The following TG variants were observed in gnomAD, a reference collection of about 807,000 sequenced individuals.
TG encodes the protein thyroid hormones.
TG carries 270 observed loss-of-function variants against 324.7 expected under a neutral mutation model. That is an observed-to-expected ratio of 0.83 (90% CI 0.75 to 0.92). The LOEUF (loss-of-function observed/expected upper bound fraction) is 0.92. Ranked by LOEUF, TG falls within the 40% of genes least tolerant of loss-of-function variation. The pLI, the probability that TG is intolerant of heterozygous loss-of-function variation, is 0.00. For missense variants in TG, 3,591 were observed against 3,456.4 expected (o/e 1.04, Z -0.98); for synonymous variants, 1,401 against 1,327.0 (o/e 1.06, Z -1.21).
intron 21 of TG, among the ~76,000 whole-genome samples, chr8:132,921,638 C>T (rs1026664735): frequency 1.3e-5 from 2 of 152,310 alleles, no homozygotes; most frequent in South Asian, 4.2e-4. Context: ...ATCCCAACTC[C>T]TCTATATAGT....
chr8:132,881,941 C>T lies in TG; in HGVS notation c.717C>T (p.Asp239=). Residue 239 remains aspartate (D), a synonymous_variant, in exon 6 of 48, where the codon GAC becomes GAT. Coordinates refer to ENST00000220616, the MANE Select transcript of TG (RefSeq NM_003235.5). ...PEVSGYCHCA[D]SQGRELAETG... ...TATCTGGGTATTGCCACTGTGCTGA[C>T]AGCCAAGGGCGGGAACTGGCTGAGA... The T allele has an allele frequency of 6.2e-7, 1 of 1,613,988 alleles. No individual in the cohort carries two copies. The highest frequency in any genetic ancestry group is 8.5e-7 in the Non-Finnish European group (1 of 1,179,832).
intron 34 of TG, among the ~76,000 whole-genome samples, chr8:132,976,485 G>A (rs1413794645): frequency 6.6e-6 from 1 of 152,220 alleles, no homozygotes; most frequent in African/African-American, 2.4e-5. Context: ...AACCATAGAG[G>A]AGGTGTGGAA....
chr8:133,016,855 G>A (rs907897451), intron 37 of TG, among the ~76,000 whole-genome samples: 2 of 152,226 alleles, frequency 1.3e-5, no homozygotes, highest in Non-Finnish European at 2.9e-5. Flanking sequence ...TGTCGTCGAG[G>A]AAACAAGATA....
chr8:133,008,586 G>A (rs1834224612), intron 35 of TG, among the ~76,000 whole-genome samples: 1 of 152,210 alleles, frequency 6.6e-6, no homozygotes, highest in African/African-American at 2.4e-5. Context: ...GGGTGAGCTT[G>A]GAAGCTGCTA....
intron 41 of TG, among the ~76,000 whole-genome samples, chr8:133,068,936 AGGCCAG>A (rs953357106): frequency 1.3e-5 from 2 of 152,276 alleles, no homozygotes; most frequent in African/African-American, 4.8e-5. Flanking sequence ...GGTTTGGCCT[AGGCCAG>A]GTCCTGGATA....
At chr8:133,049,861 C>T (rs186533934) in intron 41 of TG, 105 of 1,231,302 alleles carry the variant, frequency 8.5e-5, no homozygotes, top group African/African-American at 4.6e-4. Flanking sequence ...CACCAGCATA[C>T]GCATCATGCT....
rs117858390 is a variant in TG, at chr8:132,982,650, T to G, written c.6200-700T>G. On this transcript the variant is annotated intron_variant, in intron 34 of 47. Coordinates refer to ENST00000220616, the MANE Select transcript of TG (RefSeq NM_003235.5). ...GCTGCTTGCTATTAGCAGCTGGCAT[T>G]TGCTGAGCTGGTATCTTATGCCTGG... Among the ~76,000 whole-genome samples the G allele has an allele frequency of 3.3e-4, 50 of 152,274 alleles. No individual in the cohort carries two copies. The East Asian group carries it at 9.1e-3, about 28-fold the overall frequency.
chr8:133,055,215 G>A (rs1227474049), intron 41 of TG, among the ~76,000 whole-genome samples: 1 of 152,086 alleles, frequency 6.6e-6, no homozygotes, highest in Non-Finnish European at 1.5e-5. Flanking sequence ...AAGCAGCTCA[G>A]GGCAACTGGT....
intron 34 of TG, among the ~76,000 whole-genome samples, chr8:132,976,123 C>T (rs994457343): frequency 2.0e-5 from 3 of 152,148 alleles, no homozygotes; most frequent in Non-Finnish European, 2.9e-5. Flanking sequence ...TAAAGTGTCA[C>T]GGAAACATGG....
chr8:132,968,773 A>C (rs1174651974), intron 31 of TG, among the ~76,000 whole-genome samples: 1 of 152,168 alleles, frequency 6.6e-6, no homozygotes, highest in Non-Finnish European at 1.5e-5. Context: ...GAGTTTCTCA[A>C]CACCTGGCCT....
chr8:132,946,398 C>T (rs1013393368), intron 26 of TG, among the ~76,000 whole-genome samples: 2 of 152,168 alleles, frequency 1.3e-5, no homozygotes, highest in African/African-American at 4.8e-5. Context: ...ACTCACCTCG[C>T]AGTGCTGAAA....
At chr8:132,992,427 G>A (rs1485251951) in intron 35 of TG, among the ~76,000 whole-genome samples, 2 of 152,172 alleles carry the variant, frequency 1.3e-5, no homozygotes, top group Non-Finnish European at 2.9e-5. Flanking sequence ...ATAGTATTAG[G>A]TGCAAAAGTT....
At position 133,111,760 on chromosome 8, in the gene TG, C is replaced by T. The variant is rs558051301; in HGVS notation, c.7573-1662C>T. Reference sequence around the variant, plus strand: ...GATCATGGTCAAAATATTTAAAAGTCGCTGATATGATGAATATTCACAGAT... The same window carrying T: ...GATCATGGTCAAAATATTTAAAAGTTGCTGATATGATGAATATTCACAGAT... On this transcript the variant is annotated intron_variant, in intron 43 of 47. Transcript: ENST00000220616. 4.3e-4 allele frequency among the ~76,000 whole-genome samples: 66 copies of T among 152,302 alleles called. 1 individual carries two copies. The Middle Eastern group carries it at 0.014, about 31-fold the overall frequency.
Position 132,962,886 on chromosome 8 carries a change from C to A in TG, c.5468-108C>A, listed in dbSNP as rs886468709. ...TCTGTTGCAGATCTTCTCTAAGTCACCTGGCTTTAGGGCCTGATTTTTCTC... is the reference window on the plus strand; with the variant it reads ...TCTGTTGCAGATCTTCTCTAAGTCAACTGGCTTTAGGGCCTGATTTTTCTC... On this transcript the variant is annotated intron_variant, in intron 28 of 47. Transcript: ENST00000220616. 22 of 991,928 alleles carry A rather than the reference C, an allele frequency of 2.2e-5. No individual in the cohort carries two copies. The African/African-American group carries it at 2.5e-4, about 11-fold the overall frequency. The allele number at this position is 991,928 out of a possible 1,614,324, so 61.4% of individuals were successfully genotyped here.
intron 43 of TG, among the ~76,000 whole-genome samples, chr8:133,110,830 AG>A (rs1349429047): frequency 4.6e-5 from 7 of 152,226 alleles, no homozygotes; most frequent in Non-Finnish European, 8.8e-5. Flanking sequence ...TGCCAGCTCC[AG>A]GCCATTGCAC....
intron 41 of TG, among the ~76,000 whole-genome samples, chr8:133,052,876 G>A (rs556478701): frequency 4.6e-5 from 7 of 152,302 alleles, no homozygotes; most frequent in African/African-American, 9.6e-5. Context: ...TGAGTGGGAC[G>A]CCTCCTTCTC....
intron 20 of TG, among the ~76,000 whole-genome samples, chr8:132,915,031 T>C (rs1481125470): frequency 6.6e-6 from 1 of 152,104 alleles, no homozygotes; most frequent in Non-Finnish European, 1.5e-5. Flanking sequence ...GATGTACATA[T>C]GCATATGTGT....
intron 41 of TG, among the ~76,000 whole-genome samples, chr8:133,067,554 T>C (rs1226420902): frequency 6.6e-6 from 1 of 152,052 alleles, no homozygotes; most frequent in Admixed American, 6.6e-5. Flanking sequence ...GGCAAGTGGA[T>C]CACCTGAGGT....
chr8:132,933,130 G>A (rs920850119), intron 23 of TG, among the ~76,000 whole-genome samples: 11 of 143,120 alleles, frequency 7.7e-5, no homozygotes, highest in Admixed American at 6.3e-4. Flanking sequence ...TTCATGGTAC[G>A]TACTTAATAA....
Sources: allele counts gnomAD v4.1 joint callset (sites outside exome capture counted in the v4.1 genomes callset), GRCh38; gene constraint gnomAD v4.1.1; transcripts MANE v1.5; gene names NCBI Gene and HGNC (gene_info 2026-07-23, HGNC 2026-07-21).